NME7: variants seen among roughly 807,000 people sequenced by gnomAD.
NME7 encodes the protein nucleoside diphosphate kinase 7.
In NME7, 41 loss-of-function variants were observed where a neutral mutation model predicts 49.1. The observed-to-expected ratio is 0.83, with a 90% CI of 0.65 to 1.08. NME7 has a LOEUF of 1.08. Among genes scored for constraint, NME7 ranks in the 50% least tolerant of loss-of-function variants. The pLI is 0.00. For synonymous variants in NME7, 139 were observed against 150.6 expected (o/e 0.92, Z 0.56); for missense variants, 423 against 463.4 (o/e 0.91, Z 0.80).
intron 7 of NME7, among the ~76,000 whole-genome samples, chr1:169,262,460 G>A (rs1454520871): frequency 7.5e-6 from 1 of 133,960 alleles, no homozygotes; most frequent in African/African-American, 2.5e-5. Context: ...GATATCTGGG[G>A]GCAGGGCTAA....
chr1:169,275,381 A>C (rs1649664283), intron 7 of NME7, among the ~76,000 whole-genome samples: 1 of 121,136 alleles, frequency 8.3e-6, no homozygotes, highest in Admixed American at 8.6e-5. Context: ...CAGGAGGCTG[A>C]GGCAGGAGAA....
Position 169,132,765 on chromosome 1 carries a change from C to CTTCT in NME7, c.*16_*19dup. ...CTTGTCTAAATGTCCCAACCTGTGA[C>CTTCT]TTCTTTACTTTCCACACCACTAATT... On this transcript the variant is annotated 3_prime_UTR_variant, in exon 12 of 12. Transcript: ENST00000367811. The CTTCT allele has an allele frequency of 1.2e-6, 2 of 1,610,604 alleles. No homozygotes were observed. Among genetic ancestry groups the CTTCT allele is most frequent in the Non-Finnish European group, 1.7e-6 (2 of 1,177,608 alleles).
At chr1:169,178,735 A>G (rs1386927437) in intron 10 of NME7, among the ~76,000 whole-genome samples, 1 of 151,660 alleles carries the variant, frequency 6.6e-6, no homozygotes, top group Non-Finnish European at 1.5e-5. Context: ...CCTTTTTGCT[A>G]TCTGGTTTTC....
At chr1:169,360,857 TG>T (rs112689888) in intron 1 of NME7, among the ~76,000 whole-genome samples, 73,286 of 151,990 alleles carry the variant, frequency 0.48, 18,749 homozygotes, top group Non-Finnish European at 0.56. Context: ...TCATGTAAAC[TG>T]TTTTTCTCTC....
At chr1:169,175,011 C>CT (rs1262873246) in intron 10 of NME7, among the ~76,000 whole-genome samples, 1 of 151,696 alleles carries the variant, frequency 6.6e-6, no homozygotes, top group South Asian at 2.1e-4. Context: ...TATTTTTTAA[C>CT]TTTTTTTGAC....
intron 10 of NME7, among the ~76,000 whole-genome samples, chr1:169,178,456 G>A (rs1248683623): frequency 6.6e-6 from 1 of 152,148 alleles, no homozygotes; most frequent in Non-Finnish European, 1.5e-5. Context: ...CATGGTAGTA[G>A]CAGTGGAGGC....
At chr1:169,328,822 A>G (rs146628869) in intron 1 of NME7, among the ~76,000 whole-genome samples, 1 of 152,324 alleles carries the variant, frequency 6.6e-6, no homozygotes, top group East Asian at 1.9e-4. Flanking sequence ...ATTCATCATT[A>G]GTTTTATAAT....
intron 10 of NME7, among the ~76,000 whole-genome samples, chr1:169,228,079 C>T (rs908507239): frequency 1.4e-5 from 2 of 145,698 alleles, no homozygotes; most frequent in Admixed American, 7.0e-5. Flanking sequence ...CACATATATA[C>T]GTGTAATTTT....
chr1:169,278,466 C>A (rs544009434), intron 7 of NME7, among the ~76,000 whole-genome samples: 1 of 152,082 alleles, frequency 6.6e-6, no homozygotes, highest in Admixed American at 6.6e-5. Flanking sequence ...CCCTTTCTTC[C>A]AGTTGATCGC....
At chr1:169,330,749 C>T (rs946153722) in intron 1 of NME7, among the ~76,000 whole-genome samples, 2 of 152,044 alleles carry the variant, frequency 1.3e-5, no homozygotes, top group African/African-American at 4.8e-5. Context: ...GTGGCTACTA[C>T]AAGCAACTAT....
chr1:169,188,396 G>A (rs1423395371), intron 10 of NME7, among the ~76,000 whole-genome samples: 2 of 152,162 alleles, frequency 1.3e-5, no homozygotes, highest in African/African-American at 4.8e-5. Context: ...CAGAGCTTTG[G>A]AAACTTGATT....
Position 169,324,393 on chromosome 1 carries a change from C to G in NME7, c.111G>C (p.Met37Ile). The change falls in exon 2 of 12, where the codon ATG becomes ATC. Residue 37 changes from methionine to isoleucine, a missense_variant and splice_region_variant. Coordinates refer to ENST00000367811, the MANE Select transcript of NME7 (RefSeq NM_013330.5). ...TTCAAGCAAAGAAAGGCTTATTTACCATTTCAACAGATCCATCCCCTGGGT... is the reference window on the plus strand; with the variant it reads ...TTCAAGCAAAGAAAGGCTTATTTACGATTTCAACAGATCCATCCCCTGGGT... ...LFYPGDGSVE[M>I]HDVKNHRTFL... The G allele has an allele frequency of 6.3e-7, 1 of 1,599,960 alleles. No homozygotes were observed. The highest frequency in any genetic ancestry group is 1.7e-5 in the Admixed American group (1 of 59,890).
chr1:169,277,071 G>C (rs1426692780), intron 7 of NME7, among the ~76,000 whole-genome samples: 2 of 150,424 alleles, frequency 1.3e-5, no homozygotes, highest in African/African-American at 4.9e-5. Context: ...TATAATTTCT[G>C]TTCTTTTACA....
At chr1:169,140,726 TAAAA>T (rs57572886) in intron 11 of NME7, among the ~76,000 whole-genome samples, 4 of 143,168 alleles carry the variant, frequency 2.8e-5, no homozygotes, top group Admixed American at 1.4e-4. Context: ...AGTCTATCCT[TAAAA>T]AAAAAAAAAA....
In NME7 at chr1:169,267,819, T is replaced by G. The variant is rs930187462; in HGVS notation, c.754+19484A>C. ...TAAAACCTAAAACCTAAATAAAACC[T>G]AAAACCTAAATAAAAACCCTAAAGG... On this transcript the variant is annotated intron_variant, in intron 7 of 11. Transcript: ENST00000367811. Among the ~76,000 whole-genome samples the G allele has an allele frequency of 6.0e-5, 8 of 132,822 alleles. 3 individuals are homozygous for G. The highest frequency in any genetic ancestry group is 1.4e-4 in the Non-Finnish European group (8 of 56,336). 87.1% of individuals were successfully genotyped at this position (132,822 alleles called of 152,430 possible).
At chr1:169,208,922 G>T (rs1380874486) in intron 10 of NME7, among the ~76,000 whole-genome samples, 1 of 151,952 alleles carries the variant, frequency 6.6e-6, no homozygotes, top group Non-Finnish European at 1.5e-5. Flanking sequence ...GATCCTGTAA[G>T]GTTATAAAGA....
chr1:169,280,868 T>C (rs888112103), intron 7 of NME7, among the ~76,000 whole-genome samples: 3 of 151,492 alleles, frequency 2.0e-5, no homozygotes, highest in African/African-American at 7.3e-5. Context: ...CCTTGTAGTA[T>C]AGTTAGAAGT....
intron 4 of NME7, among the ~76,000 whole-genome samples, chr1:169,306,438 G>T (rs889895354): frequency 6.6e-6 from 1 of 152,144 alleles, no homozygotes; most frequent in African/African-American, 2.4e-5. Flanking sequence ...TTGATACGTT[G>T]AAAGCCTGAA....
intron 6 of NME7, 110 bp downstream of exon 6, chr1:169,298,446 G>T: frequency 9.4e-7 from 1 of 1,061,700 alleles, no homozygotes; most frequent in Non-Finnish European, 1.4e-6. Flanking sequence ...TCTACTACTA[G>T]AGCAGCAGCA....
Sources: allele counts gnomAD v4.1 joint callset (sites outside exome capture counted in the v4.1 genomes callset), GRCh38; gene constraint gnomAD v4.1.1; transcripts MANE v1.5; gene names NCBI Gene and HGNC (gene_info 2026-07-23, HGNC 2026-07-21).